NABP1: variants seen among roughly 807,000 people sequenced by gnomAD.
The protein encoded by NABP1 is nucleic acid binding protein 1.
A neutral mutation model predicts 25.0 loss-of-function variants in NABP1; 18 were observed. The observed-to-expected ratio is 0.72, with a 90% CI of 0.50 to 1.07. The LOEUF (loss-of-function observed/expected upper bound fraction) is 1.07. NABP1 is among the 50% of genes least tolerant of loss of function. The pLI is 0.00. For synonymous variants in NABP1, 71 were observed against 85.0 expected (o/e 0.84, Z 0.91); for missense variants, 270 against 255.6 (o/e 1.06, Z -0.39).
chr2:191,682,011 T>C lies in NABP1; in HGVS notation c.296T>C (p.Ile99Thr), dbSNP rs1480456852. ...YTGRGGELQK[I>T]GEFCMVYSEV... is the part of the protein sequence containing the mutation. The stretch of plus-strand genomic sequence containing the variant: ...GGAAGGGGTGGTGAACTTCAAAAAA[T>C]TGGGGAGTAAGTATTAAAATGCATT... The change falls in exon 3 of 6, where the codon ATT (isoleucine) becomes ACT (threonine). Residue 99 changes from isoleucine to threonine, a missense_variant. Physicochemically the swap from Ile to Thr is moderately conservative, Grantham distance 89. Coordinates refer to ENST00000425611, the MANE Select transcript of NABP1 (RefSeq NM_001031716.5). 2 of 1,489,546 alleles carry C rather than the reference T, an allele frequency of 1.3e-6. No homozygotes were observed. The highest frequency in any genetic ancestry group is 1.8e-6 in the Non-Finnish European group (2 of 1,122,782). 92.3% of individuals were successfully genotyped at this position (1,489,546 alleles called of 1,614,324 possible).
intron 3 of NABP1, chr2:191,682,527 C>T (rs960505119): frequency 6.4e-6 from 3 of 471,102 alleles, no homozygotes; most frequent in Non-Finnish European, 1.3e-5. Flanking sequence ...ATGCGAGATT[C>T]CATACACTAC....
chr2:191,678,477 A>G lies in NABP1; in HGVS notation c.-138A>G, dbSNP rs780502008. The G allele has an allele frequency of 1.9e-5, 10 of 532,616 alleles. No individual in the cohort carries two copies. Among genetic ancestry groups the G allele is most frequent in the Non-Finnish European group, 2.9e-5 (9 of 309,358 alleles). The allele number at this position is 532,616 out of a possible 1,614,324, so 33.0% of individuals were successfully genotyped here. ...GGGCTGGTTTGCCCGGTCCCTGACT[A>G]ACGGCTTTCTGCCCCTTCTCTCGCC... On this transcript the variant is annotated 5_prime_UTR_variant, in exon 1 of 6. Transcript: ENST00000425611.
In NABP1 at chr2:191,683,217, G is replaced by T; in HGVS notation, c.303-512G>T. Reference sequence around the variant, plus strand: ...CTTACAGGAAGCACTTGGATAAACTGGTGGCTATGTAGCCTGTTGTTATTA... The same window carrying T: ...CTTACAGGAAGCACTTGGATAAACTTGTGGCTATGTAGCCTGTTGTTATTA... On this transcript the variant is annotated intron_variant, in intron 3 of 5. Transcript: ENST00000425611. The surrounding 1 kb of genome is among the most constrained non-coding windows in gnomAD (Gnocchi z 4.1). The T allele has an allele frequency of 6.0e-6, 1 of 166,590 alleles. No individual in the cohort carries two copies. 10.3% of individuals were successfully genotyped at this position (166,590 alleles called of 1,614,324 possible). A position where few individuals can be genotyped will look rare whatever the true frequency, so the allele number is the denominator to read the frequency against.
intron 3 of NABP1, chr2:191,682,358 T>C (rs1452978390): frequency 2.7e-6 from 1 of 366,482 alleles, no homozygotes; most frequent in Non-Finnish European, 5.4e-6. Context: ...TGATTCACCA[T>C]ATACGAAGCT....
In NABP1 at chr2:191,682,071, G is replaced by A. The variant is rs909601605; in HGVS notation, c.302+54G>A. 1.3e-4 allele frequency: 142 copies of A among 1,081,608 alleles called. 1 individual carries two copies. The highest frequency in any genetic ancestry group is 1.7e-4 in the Non-Finnish European group (130 of 775,120). 67.0% of individuals were successfully genotyped at this position (1,081,608 alleles called of 1,614,324 possible). On this transcript the variant is annotated intron_variant, in intron 3 of 5. Coordinates refer to ENST00000425611, the MANE Select transcript of NABP1 (RefSeq NM_001031716.5). ...TGCATATATTATAAATAATATCTAC[G>A]GAATGATTGGTAGGTATGAATTGTA... is the stretch of plus-strand genomic sequence containing the variant.
intron 5 of NABP1, chr2:191,684,957 T>C (rs1300825413): frequency 6.6e-6 from 1 of 152,516 alleles, no homozygotes; most frequent in Non-Finnish European, 1.5e-5. Context: ...GCTCAAGTGA[T>C]TCTCCTGCCT....
chr2:191,684,405 G>A (rs2105647732), intron 5 of NABP1, 109 bp downstream of exon 5: 3 of 661,324 alleles, frequency 4.5e-6, no homozygotes, highest in African/African-American at 1.9e-5. Context: ...TGATAAAGGT[G>A]AACTACCAGT....
intron 3 of NABP1, chr2:191,682,285 G>T: frequency 2.5e-6 from 1 of 398,890 alleles, no homozygotes; most frequent in Non-Finnish European, 4.7e-6. Flanking sequence ...ATTTCTGTAG[G>T]TTTTAGAAAT....
intron 1 of NABP1, 100 bp from the exon 2 acceptor site, chr2:191,678,890 C>A (rs1687585621): frequency 4.6e-6 from 7 of 1,520,764 alleles, no homozygotes; most frequent in Admixed American, 3.5e-5. Flanking sequence ...TTGGTCACTT[C>A]CCACCTTCCA....
intron 2 of NABP1, among the ~76,000 whole-genome samples, chr2:191,680,915 C>A (rs184629121): frequency 6.6e-6 from 1 of 152,106 alleles, no homozygotes; most frequent in African/African-American, 2.4e-5. Context: ...CTGGTTGAAT[C>A]TAAGAAAAGT....
intron 5 of NABP1, among the ~76,000 whole-genome samples, chr2:191,685,358 T>TA (rs1390398001): frequency 6.6e-6 from 1 of 152,240 alleles, no homozygotes; most frequent in Non-Finnish European, 1.5e-5. Context: ...TTTACTCTAT[T>TA]AATTTCTAAT....
intron 2 of NABP1, among the ~76,000 whole-genome samples, chr2:191,680,588 C>T (rs1246490849): frequency 6.6e-6 from 1 of 152,088 alleles, no homozygotes; most frequent in East Asian, 1.9e-4. Context: ...GTATTTTTTA[C>T]GCTAAAAACG....
chr2:191,680,506 A>T (rs918139089), intron 2 of NABP1, among the ~76,000 whole-genome samples: 4 of 152,330 alleles, frequency 2.6e-5, no homozygotes, highest in African/African-American at 7.2e-5. Flanking sequence ...CTTCTTAGGG[A>T]AGTATGGTGA....
At chr2:191,685,544 C>G in intron 5 of NABP1, 55 bp from the exon 6 acceptor site, 1 of 1,473,946 alleles carries the variant, frequency 6.8e-7, no homozygotes. Context: ...TAAGATAGTT[C>G]TACTTCTATA....
chr2:191,682,500 C>G (rs182709643), intron 3 of NABP1: 1 of 470,794 alleles, frequency 2.1e-6, no homozygotes, highest in Non-Finnish European at 4.4e-6. Context: ...AGTCTAGGTG[C>G]GGTGCAGGCA....
intron 2 of NABP1, among the ~76,000 whole-genome samples, chr2:191,680,770 A>G (rs373661197): frequency 1.3e-5 from 2 of 152,200 alleles, no homozygotes; most frequent in South Asian, 2.1e-4. Context: ...TCTATTTACT[A>G]CTTCAGTATG....
chr2:191,684,127 AAAAG>A, intron 4 of NABP1, 99 bp from the exon 5 acceptor site: 1 of 742,450 alleles, frequency 1.3e-6, no homozygotes, highest in Non-Finnish European at 2.1e-6. Flanking sequence ...AAAAAAAAAA[AAAAG>A]CCAAACCCAA....
At position 191,683,342 on chromosome 2, in the gene NABP1, G is replaced by A; in HGVS notation, c.303-387G>A. On this transcript the variant is annotated intron_variant, in intron 3 of 5. Coordinates refer to ENST00000425611, the MANE Select transcript of NABP1 (RefSeq NM_001031716.5). The surrounding 1 kb of genome is among the most constrained non-coding windows in gnomAD (Gnocchi z 4.1). ...CTGAATGGGAGTGGGTGAATGGATC[G>A]GTGCAAATCCATTACCACTGCTGGA... is the stretch of plus-strand genomic sequence containing the variant. The A allele has an allele frequency of 8.6e-6, 2 of 232,630 alleles. No homozygotes were observed. Among genetic ancestry groups the A allele is most frequent in the Non-Finnish European group, 1.7e-5 (2 of 118,732 alleles). 14.4% of individuals were successfully genotyped at this position (232,630 alleles called of 1,614,324 possible).
intron 2 of NABP1, 92 bp downstream of exon 2, chr2:191,679,220 C>T: frequency 6.7e-7 from 1 of 1,500,718 alleles, no homozygotes; most frequent in Non-Finnish European, 9.1e-7. Context: ...AGTCCCCCGC[C>T]TTTTCTGTGG....
Sources: gnomAD v4.1 joint callset for allele counts (sites outside exome capture counted in the v4.1 genomes callset) on GRCh38, gnomAD v4.1.1 for gene constraint, Gnocchi (gnomAD v3.1) non-coding constraint, MANE v1.5 for transcripts, NCBI Gene and HGNC (gene_info 2026-07-23, HGNC 2026-07-21) for gene names.